Variants in TCEAL8 observed in about 807,000 individuals in gnomAD.
The protein encoded by TCEAL8 is transcription elongation factor A like 8.
For synonymous variants in TCEAL8, 41 were observed against 29.6 expected, an observed-to-expected ratio of 1.38 and a Z score of -1.25; for missense variants, 78 against 92.0, an observed-to-expected ratio of 0.85 and a Z score of 0.62.
rs1280443623 is a variant in TCEAL8 at position 103,253,812 on chromosome X, C to G, written c.168G>C (p.Gln56His). The G allele has an allele frequency of 1.7e-6, 2 of 1,212,069 alleles. No individual in the cohort carries two copies. Among genetic ancestry groups the G allele is most frequent in the Non-Finnish European group, 2.2e-6 (2 of 895,621 alleles). ...AEGNPRGGPN[Q>H]PGQGFKEDTP... ...TGTCCTCTTTAAATCCCTGGCCAGGCTGATTCGGCCCTCCTCTGGGGTTTC... is the reference window on the plus strand; with the variant it reads ...TGTCCTCTTTAAATCCCTGGCCAGGGTGATTCGGCCCTCCTCTGGGGTTTC... The change falls in exon 3 of 3, where the codon CAG becomes CAC. Residue 56 changes from glutamine (Q) to histidine (H), a missense_variant. Coordinates refer to ENST00000372685, the MANE Select transcript of TCEAL8 (RefSeq NM_153333.3).
At position 103,253,379 on chromosome X, in the gene TCEAL8, C is replaced by T. The variant is rs1362402990; in HGVS notation, c.*247G>A. On this transcript the variant is annotated 3_prime_UTR_variant, in exon 3 of 3. Coordinates refer to ENST00000372685, the MANE Select transcript of TCEAL8 (RefSeq NM_153333.3). Reference sequence around the variant, plus strand: ...ATTAAATATGCTGCTTTGCCATAACCTGTTATGTTTTACTTTACAACATGG... The same window carrying T: ...ATTAAATATGCTGCTTTGCCATAACTTGTTATGTTTTACTTTACAACATGG... 1 of 377,726 alleles carries T rather than the reference C, an allele frequency of 2.6e-6. No individual in the cohort carries two copies. The highest frequency in any genetic ancestry group is 4.1e-5 in the East Asian group (1 of 24,638). 31.1% of individuals were successfully genotyped at this position (377,726 alleles called of 1,213,427 possible).
rs2147661154 is a variant in TCEAL8, at chrX:103,253,460, G to A, written c.*166C>T. On this transcript the variant is annotated 3_prime_UTR_variant, in exon 3 of 3. Transcript: ENST00000372685. The stretch of plus-strand genomic sequence containing the variant: ...AGTTTCCAATTGAAAAATAGACCTG[G>A]AAAATGGGTCAAAATCCAAAATCCA... 1 of 421,297 alleles carries A rather than the reference G, an allele frequency of 2.4e-6. No homozygotes were observed. Among genetic ancestry groups the A allele is most frequent in the South Asian group, 5.5e-5 (1 of 18,072 alleles). 34.7% of individuals were successfully genotyped at this position (421,297 alleles called of 1,213,427 possible). A position where few individuals can be genotyped will look rare whatever the true frequency, so the allele number is the denominator to read the frequency against.
intron 2 of TCEAL8, 77 bp from the exon 3 acceptor site, chrX:103,254,094 T>C: frequency 1.5e-6 from 1 of 645,899 alleles, no homozygotes; most frequent in Non-Finnish European, 2.3e-6. Flanking sequence ...CCATAGCGAC[T>C]GGCCTTTTTT....
chrX:103,254,631 T>A lies in TCEAL8; in HGVS notation c.-65A>T, dbSNP rs1203657050. On this transcript the variant is annotated 5_prime_UTR_variant, in exon 2 of 3. Coordinates refer to ENST00000372685, the MANE Select transcript of TCEAL8 (RefSeq NM_153333.3). ...TGCAGGGATTCAGGGGATTTTCCTC[T>A]CTCTTCCCTCACCTCGATTTGTGTC... is the stretch of plus-strand genomic sequence containing the variant. 1 of 111,468 alleles carries A rather than the reference T, an allele frequency of 9.0e-6. No homozygotes were observed. The highest frequency in any genetic ancestry group is 1.9e-5 in the Non-Finnish European group (1 of 53,161). 9.2% of individuals were successfully genotyped at this position (111,468 alleles called of 1,213,427 possible). A position where few individuals can be genotyped will look rare whatever the true frequency, so the allele number is the denominator to read the frequency against.
rs778538276 is a variant in TCEAL8 at position 103,253,621 on chromosome X, T to C, written c.*5A>G. 2.4e-5 allele frequency: 28 copies of C among 1,158,066 alleles called. No individual in the cohort carries two copies. The highest frequency in any genetic ancestry group is 3.1e-5 in the Non-Finnish European group (27 of 868,540). Reference sequence around the variant, plus strand: ...GCCAGATTTTAATATTAGGCAAAAATGAATTCAAGGCCTAAAGCACACAGG... The same window carrying C: ...GCCAGATTTTAATATTAGGCAAAAACGAATTCAAGGCCTAAAGCACACAGG... On this transcript the variant is annotated 3_prime_UTR_variant, in exon 3 of 3. Transcript: ENST00000372685.
intron 1 of TCEAL8, 71 bp downstream of exon 1, chrX:103,255,007 C>G (rs1160880874): frequency 9.0e-5 from 10 of 111,024 alleles, no homozygotes; most frequent in Non-Finnish European, 1.5e-4. Context: ...GCAGTGCCGG[C>G]CCCGCTTGCT....
At chrX:103,254,149 T>C in intron 2 of TCEAL8, 132 bp from the exon 3 acceptor site, 1 of 452,069 alleles carries the variant, frequency 2.2e-6, no homozygotes, top group South Asian at 3.8e-5. Flanking sequence ...TAGAGAAAGC[T>C]GGATCCTCAG....
At position 103,253,758 on chromosome X, in the gene TCEAL8, T is replaced by C; in HGVS notation, c.222A>G (p.Glu74=). Residue 74 remains glutamate, a synonymous_variant, in exon 3 of 3, where the codon GAA becomes GAG. Coordinates refer to ENST00000372685, the MANE Select transcript of TCEAL8 (RefSeq NM_153333.3). The part of the protein sequence containing the change: ...DTPVRHLDPE[E]MIRGVDELER... ...CAAGCTCATCTACTCCTCTTATCAT[T>C]TCTTCAGGGTCCAAATGCCTAACGG... The C allele has an allele frequency of 8.3e-7, 1 of 1,212,035 alleles. No homozygotes were observed. Among genetic ancestry groups the C allele is most frequent in the Non-Finnish European group, 1.1e-6 (1 of 895,568 alleles).
At position 103,253,660 on chromosome X, in the gene TCEAL8, C is replaced by T. The variant is rs772682413; in HGVS notation, c.320G>A (p.Arg107His). 16 of 1,211,060 alleles carry T rather than the reference C, an allele frequency of 1.3e-5. No individual in the cohort carries two copies. Among genetic ancestry groups the T allele is most frequent in the Non-Finnish European group, 2.2e-6 (2 of 894,933 alleles). ...VMMHWKQRHS[R>H]SRPYPVCFRP is the part of the protein sequence containing the mutation. ...AAAGCACACAGGATAAGGACGGCTG[C>T]GTGAATGTCTTTGCTTCCAATGCAT... The change falls in exon 3 of 3, where the codon CGC becomes CAC. Residue 107 changes from arginine (R) to histidine (H), a missense_variant. Arg to His is a conservative substitution (Grantham distance 29). Transcript: ENST00000372685.
At chrX:103,254,474 C>T (rs893159203) in intron 2 of TCEAL8, 131 bp downstream of exon 2, 4 of 114,599 alleles carry the variant, frequency 3.5e-5, no homozygotes, top group African/African-American at 1.3e-4. Flanking sequence ...GCTGCAGGCT[C>T]GGCACCGGCC....
Position 103,255,064 on chromosome X carries a change from A to G in TCEAL8, c.-112+14T>C, listed in dbSNP as rs1289835269. 9.0e-6 allele frequency: 1 copy of G among 110,499 alleles called. No individual in the cohort carries two copies. Among genetic ancestry groups the G allele is most frequent in the Non-Finnish European group, 1.9e-5 (1 of 52,967 alleles). The allele number at this position is 110,499 out of a possible 1,213,427, so 9.1% of individuals were successfully genotyped here. A position where few individuals can be genotyped will look rare whatever the true frequency, so the allele number is the denominator to read the frequency against. On this transcript the variant is annotated intron_variant, in intron 1 of 2. Transcript: ENST00000372685. ...CCCCAGGGTCTCCAAGTCAGCGCCC[A>G]CGTTTATACTAACCTGAAAGGATCT...
chrX:103,253,931 T>C lies in TCEAL8; in HGVS notation c.49A>G (p.Lys17Glu). Residue 17 changes from lysine to glutamate, a missense_variant, in exon 3 of 3, where the codon AAG (lysine) becomes GAG (glutamate). Physicochemically the swap from Lys to Glu is moderately conservative, Grantham distance 56. Transcript: ENST00000372685. Reference protein sequence around the residue: ...ENEGKPQNMPKAEEDRPLEDV... With the variant: ...ENEGKPQNMPEAEEDRPLEDV... ...TCCAAAGGGCGATCTTCCTCGGCCT[T>C]TGGCATGTTCTGTGGTTTTCCCTCA... 8.3e-7 allele frequency: 1 copy of C among 1,211,985 alleles called. No individual in the cohort carries two copies. The highest frequency in any genetic ancestry group is 3.0e-5 in the East Asian group (1 of 33,853).
chrX:103,253,856 C>T lies in TCEAL8; in HGVS notation c.124G>A (p.Val42Ile), dbSNP rs778055753. 33 of 1,210,818 alleles carry T rather than the reference C, an allele frequency of 2.7e-5. No individual in the cohort carries two copies. In the South Asian group the frequency reaches 4.4e-4, roughly 16 times the overall value. Reference protein sequence around the residue: ...EGNPQPSEEGVSQEAEGNPRG... With the variant: ...EGNPQPSEEGISQEAEGNPRG... ...GGGTTTCCTTCTGCTTCCTGGCTTACGCCTTCTTCGGAAGGTTGAGGATTT... is the reference window on the plus strand; with the variant it reads ...GGGTTTCCTTCTGCTTCCTGGCTTATGCCTTCTTCGGAAGGTTGAGGATTT... Residue 42 changes from valine (V) to isoleucine (I), a missense_variant, in exon 3 of 3, where the codon GTA (valine) becomes ATA (isoleucine). Transcript: ENST00000372685.
Position 103,253,542 on chromosome X carries a change from AG to A in TCEAL8, c.*83del. On this transcript the variant is annotated 3_prime_UTR_variant, in exon 3 of 3. Transcript: ENST00000372685. ...AACAAAATTTCATCAGATGATTAAA[AG>A]TAAAATGGAGGTCAAAGATACATCA... 1.3e-6 allele frequency: 1 copy of A among 799,439 alleles called. No homozygotes were observed. The highest frequency in any genetic ancestry group is 1.7e-6 in the Non-Finnish European group (1 of 581,407). 65.9% of individuals were successfully genotyped at this position (799,439 alleles called of 1,213,427 possible). A position where few individuals can be genotyped will look rare whatever the true frequency, so the allele number is the denominator to read the frequency against.
rs978121058 is a variant in TCEAL8, at chrX:103,254,618, G to A, written c.-52C>T. ...ACAAAAACTGACCTGCAGGGATTCA[G>A]GGGATTTTCCTCTCTCTTCCCTCAC... On this transcript the variant is annotated 5_prime_UTR_variant, in exon 2 of 3. Transcript: ENST00000372685. 2 of 111,647 alleles carry A rather than the reference G, an allele frequency of 1.8e-5. No individual in the cohort carries two copies. Among genetic ancestry groups the A allele is most frequent in the African/African-American group, 6.6e-5 (2 of 30,475 alleles). The allele number at this position is 111,647 out of a possible 1,213,427, so 9.2% of individuals were successfully genotyped here. A position where few individuals can be genotyped will look rare whatever the true frequency, so the allele number is the denominator to read the frequency against.
Position 103,253,466 on chromosome X carries a change from G to A in TCEAL8, c.*160C>T. 2 of 429,881 alleles carry A rather than the reference G, an allele frequency of 4.7e-6. No homozygotes were observed. The highest frequency in any genetic ancestry group is 7.7e-6 in the Non-Finnish European group (2 of 258,275). 35.4% of individuals were successfully genotyped at this position (429,881 alleles called of 1,213,427 possible). On this transcript the variant is annotated 3_prime_UTR_variant, in exon 3 of 3. Transcript: ENST00000372685. ...CAATTGAAAAATAGACCTGGAAAAT[G>A]GGTCAAAATCCAAAATCCAATGAGA...
In TCEAL8 at chrX:103,253,317, C is replaced by A. The variant is rs1422745926; in HGVS notation, c.*309G>T. ...GTATGTATACACACACGCACACACA[C>A]AAAGTTTGGAATTTTATCCTACATA... On this transcript the variant is annotated 3_prime_UTR_variant, in exon 3 of 3. Coordinates refer to ENST00000372685, the MANE Select transcript of TCEAL8 (RefSeq NM_153333.3). The A allele has an allele frequency of 2.1e-5, 6 of 285,344 alleles. No individual in the cohort carries two copies. Among genetic ancestry groups the A allele is most frequent in the Non-Finnish European group, 3.7e-5 (6 of 163,814 alleles). The allele number at this position is 285,344 out of a possible 1,213,427, so 23.5% of individuals were successfully genotyped here.
chrX:103,253,781 C>T lies in TCEAL8; in HGVS notation c.199G>A (p.Val67Ile), dbSNP rs764309234. 7.9e-5 allele frequency: 96 copies of T among 1,210,442 alleles called. No individual in the cohort carries two copies. The East Asian group carries it at 2.0e-3, about 26-fold the overall frequency. ...ATTTCTTCAGGGTCCAAATGCCTAACGGGTGTGTCCTCTTTAAATCCCTGG... is the reference window on the plus strand; with the variant it reads ...ATTTCTTCAGGGTCCAAATGCCTAATGGGTGTGTCCTCTTTAAATCCCTGG... ...PGQGFKEDTP[V>I]RHLDPEEMIR... Residue 67 changes from valine to isoleucine, a missense_variant, in exon 3 of 3, where the codon GTT becomes ATT. By Grantham distance (29) the Val-to-Ile change is conservative (BLOSUM62 3). Coordinates refer to ENST00000372685, the MANE Select transcript of TCEAL8 (RefSeq NM_153333.3).
intron 2 of TCEAL8, 43 bp from the exon 3 acceptor site, chrX:103,254,060 G>T: frequency 1.1e-6 from 1 of 899,789 alleles, no homozygotes; most frequent in African/African-American, 2.0e-5. Context: ...CAGGCAAACA[G>T]ACCAGCAGTC....
Sources: allele counts gnomAD v4.1 joint callset, GRCh38; gene constraint gnomAD v4.1.1; transcripts MANE v1.5; gene names NCBI Gene and HGNC (gene_info 2026-07-23, HGNC 2026-07-21).